The following NR2F1-AS1 variants were observed in gnomAD, a reference collection of about 807,000 sequenced individuals.
The protein encoded by NR2F1-AS1 is NR2F1 antisense RNA 1.
At chr5:93,421,113 T>C (rs1287617210) in intron 4 of NR2F1-AS1, among the ~76,000 whole-genome samples, 1 of 152,184 alleles carries the variant, frequency 6.6e-6, no homozygotes, top group Non-Finnish European at 1.5e-5. Flanking sequence ...AATTTTTCAT[T>C]GCAATTCTGG....
intron 1 of NR2F1-AS1, among the ~76,000 whole-genome samples, chr5:93,568,631 TTAAA>T (rs1165612040): frequency 2.0e-5 from 3 of 152,282 alleles, no homozygotes; most frequent in Admixed American, 6.5e-5. Context: ...CAGAAAAAGA[TTAAA>T]TAAATGCTAA....
chr5:93,417,825 T>C (rs1282602527), intron 4 of NR2F1-AS1, among the ~76,000 whole-genome samples: 1 of 152,228 alleles, frequency 6.6e-6, no homozygotes, highest in Non-Finnish European at 1.5e-5. Flanking sequence ...TCTGCAGCAC[T>C]GTTCTCACCA....
At chr5:93,447,009 G>A (rs1237157092) in intron 4 of NR2F1-AS1, among the ~76,000 whole-genome samples, 1 of 152,132 alleles carries the variant, frequency 6.6e-6, no homozygotes, top group African/African-American at 2.4e-5. Flanking sequence ...TATGTAGAAA[G>A]CTGAAACTGG....
At chr5:93,422,118 G>C (rs919753229) in intron 4 of NR2F1-AS1, 1 of 152,244 alleles carries the variant, frequency 6.6e-6, no homozygotes, top group African/African-American at 2.4e-5. Context: ...GGCGAATCAA[G>C]AGGCACTCTC....
chr5:93,454,150 A>C (rs974027547), intron 4 of NR2F1-AS1, among the ~76,000 whole-genome samples: 7 of 152,004 alleles, frequency 4.6e-5, no homozygotes, highest in Non-Finnish European at 1.0e-4. Flanking sequence ...GCATTGTGGC[A>C]TGTGACTGTA....
At chr5:93,485,454 T>C (rs1315967754) in intron 4 of NR2F1-AS1, among the ~76,000 whole-genome samples, 5 of 151,678 alleles carry the variant, frequency 3.3e-5, no homozygotes, top group Admixed American at 2.6e-4. Context: ...GGGACACAGT[T>C]GAAGCAGTGT....
At chr5:93,513,594 G>C (rs909195438) in intron 4 of NR2F1-AS1, among the ~76,000 whole-genome samples, 2 of 152,074 alleles carry the variant, frequency 1.3e-5, no homozygotes, top group Non-Finnish European at 2.9e-5. Context: ...ATAAGTGGGA[G>C]CTAAACAATG....
intron 4 of NR2F1-AS1, among the ~76,000 whole-genome samples, chr5:93,438,537 C>A (rs966059078): frequency 1.3e-5 from 2 of 152,202 alleles, no homozygotes; most frequent in Non-Finnish European, 2.9e-5. Context: ...TAGTTCAGGT[C>A]ATTATCCTCT....
At chr5:93,541,598 A>G (rs1034670126) in intron 4 of NR2F1-AS1, among the ~76,000 whole-genome samples, 1 of 152,152 alleles carries the variant, frequency 6.6e-6, no homozygotes, top group Non-Finnish European at 1.5e-5. Context: ...CCCCTGAACA[A>G]CAGTTTTTAC....
chr5:93,471,259 T>C (rs976055392), intron 4 of NR2F1-AS1, among the ~76,000 whole-genome samples: 5 of 152,042 alleles, frequency 3.3e-5, no homozygotes, highest in African/African-American at 1.2e-4. Context: ...GAAGTATGCA[T>C]TGGCACTTTT....
intron 4 of NR2F1-AS1, among the ~76,000 whole-genome samples, chr5:93,429,257 C>A (rs1749260667): frequency 1.3e-5 from 2 of 152,230 alleles, no homozygotes; most frequent in Middle Eastern, 3.4e-3. Context: ...ATTATAATAA[C>A]ACTAACCTCT....
chr5:93,565,081 A>G (rs1561506706), intron 1 of NR2F1-AS1, among the ~76,000 whole-genome samples: 1 of 152,154 alleles, frequency 6.6e-6, no homozygotes, highest in Non-Finnish European at 1.5e-5. Context: ...ATGACAGGCA[A>G]TGTGGAGTGA....
At chr5:93,476,602 C>T (rs1750489691) in intron 4 of NR2F1-AS1, among the ~76,000 whole-genome samples, 1 of 152,142 alleles carries the variant, frequency 6.6e-6, no homozygotes, top group Non-Finnish European at 1.5e-5. Context: ...ACATTAACAA[C>T]TTAATCTGCC....
At chr5:93,560,157 T>C (rs1223089413) in intron 2 of NR2F1-AS1, among the ~76,000 whole-genome samples, 1 of 152,218 alleles carries the variant, frequency 6.6e-6, no homozygotes, top group African/African-American at 2.4e-5. Context: ...TTAGATGATA[T>C]ATGAAATGTG....
chr5:93,481,924 T>C (rs1750608084), intron 4 of NR2F1-AS1, among the ~76,000 whole-genome samples: 1 of 152,000 alleles, frequency 6.6e-6, no homozygotes, highest in South Asian at 2.1e-4. Flanking sequence ...CCAGGGGAAA[T>C]TTTTATAGCT....
At chr5:93,411,948 G>C (rs918788779) in intron 4 of NR2F1-AS1, among the ~76,000 whole-genome samples, 30 of 152,166 alleles carry the variant, frequency 2.0e-4, no homozygotes, top group African/African-American at 6.8e-4. Context: ...GAAGCGTGCT[G>C]TGAAGCAATC....
chr5:93,461,180 G>T (rs769118381), intron 4 of NR2F1-AS1, among the ~76,000 whole-genome samples: 5 of 152,198 alleles, frequency 3.3e-5, no homozygotes, highest in Non-Finnish European at 5.9e-5. Flanking sequence ...CATGTCCTTT[G>T]CAAGACATGG....
intron 4 of NR2F1-AS1, among the ~76,000 whole-genome samples, chr5:93,414,059 G>A (rs1748917237): frequency 6.6e-6 from 1 of 152,126 alleles, no homozygotes; most frequent in African/African-American, 2.4e-5. Context: ...ACAGTCCACT[G>A]TAGAATCATT....
intron 4 of NR2F1-AS1, among the ~76,000 whole-genome samples, chr5:93,424,189 A>C (rs561018776): frequency 1.5e-4 from 23 of 152,252 alleles, no homozygotes; most frequent in African/African-American, 5.3e-4. Context: ...CTTCAACTAC[A>C]TGCCAACTAC....
Sources: gnomAD v4.1 joint callset for allele counts (sites outside exome capture counted in the v4.1 genomes callset) on GRCh38, gnomAD v4.1.1 for gene constraint, MANE v1.5 for transcripts, NCBI Gene and HGNC (gene_info 2026-07-23, HGNC 2026-07-21) for gene names.